PRIMPOL: variants seen among roughly 807,000 people sequenced by gnomAD.
PRIMPOL encodes the protein primase and DNA directed polymerase.
In PRIMPOL, 54 loss-of-function variants were observed where a neutral mutation model predicts 63.6. The ratio of observed to expected loss-of-function variants is 0.85; its 90% CI spans 0.68 to 1.07. The LOEUF (loss-of-function observed/expected upper bound fraction) is 1.07, where lower values mean the gene tolerates loss of function less well. Ranked by LOEUF, PRIMPOL falls within the 50% of genes least tolerant of loss-of-function variation. The probability of loss-of-function intolerance (pLI) is 0.00; values close to 1 mark genes in which losing one functional copy is unlikely to be tolerated. For missense variants in PRIMPOL, 610 were observed against 648.3 expected (o/e 0.94, Z 0.64); for synonymous variants, 197 against 220.2 (o/e 0.89, Z 0.93).
intron 7 of PRIMPOL, among the ~76,000 whole-genome samples, chr4:184,675,969 A>G (rs1753205191): frequency 6.6e-6 from 1 of 152,170 alleles, no homozygotes; most frequent in African/African-American, 2.4e-5. Flanking sequence ...ATTAAATAAT[A>G]GTAGTAGTCT....
intron 2 of PRIMPOL, among the ~76,000 whole-genome samples, chr4:184,654,931 G>T (rs190351315): frequency 6.6e-6 from 1 of 151,994 alleles, no homozygotes; most frequent in Non-Finnish European, 1.5e-5. Context: ...GGTCTGTTAC[G>T]ATTGATGTCA....
intron 5 of PRIMPOL, among the ~76,000 whole-genome samples, chr4:184,663,021 A>ATTATTATTATTC (rs1748808885): frequency 8.2e-6 from 1 of 121,448 alleles, no homozygotes; most frequent in South Asian, 2.4e-4. Context: ...TTAAACCTTT[A>ATTATTATTATTC]TTATTATTAT....
chr4:184,682,591 G>C (rs769203774), intron 9 of PRIMPOL, among the ~76,000 whole-genome samples: 6 of 152,008 alleles, frequency 3.9e-5, no homozygotes, highest in Admixed American at 6.5e-5. Flanking sequence ...CAAACGATCT[G>C]TCTGCCTCAG....
At chr4:184,655,612 G>C (rs974641493) in intron 2 of PRIMPOL, among the ~76,000 whole-genome samples, 1 of 152,114 alleles carries the variant, frequency 6.6e-6, no homozygotes, top group Non-Finnish European at 1.5e-5. Flanking sequence ...GAGCCACCGC[G>C]CCTGGCCCCC....
chr4:184,692,213 C>G (rs1467495924), intron 13 of PRIMPOL, among the ~76,000 whole-genome samples: 2 of 152,008 alleles, frequency 1.3e-5, no homozygotes, highest in Non-Finnish European at 2.9e-5. Context: ...GTGGCTCAGG[C>G]CTGTAATCCC....
At chr4:184,659,198 T>C in intron 3 of PRIMPOL, 142 bp from the exon 4 acceptor site, 2 of 639,600 alleles carry the variant, frequency 3.1e-6, no homozygotes, top group Non-Finnish European at 5.5e-6. Context: ...TGACTATTTG[T>C]CTTGTTTTTA....
chr4:184,666,402 G>T (rs1749891850), intron 6 of PRIMPOL, among the ~76,000 whole-genome samples: 1 of 152,346 alleles, frequency 6.6e-6, no homozygotes, highest in Non-Finnish European at 1.5e-5. Flanking sequence ...GGCAGAGGTT[G>T]CAGTAAGCCA....
At chr4:184,661,448 T>C (rs905479167) in intron 4 of PRIMPOL, among the ~76,000 whole-genome samples, 1 of 152,220 alleles carries the variant, frequency 6.6e-6, no homozygotes, top group African/African-American at 2.4e-5. Flanking sequence ...GGCTCATGTC[T>C]GTAATCCCAG....
At chr4:184,690,144 A>G (rs1033257540) in intron 11 of PRIMPOL, among the ~76,000 whole-genome samples, 1 of 152,116 alleles carries the variant, frequency 6.6e-6, no homozygotes, top group Non-Finnish European at 1.5e-5. Flanking sequence ...ATGTGGGAAC[A>G]TTTTCAACTA....
intron 8 of PRIMPOL, among the ~76,000 whole-genome samples, chr4:184,680,522 A>G (rs1467691772): frequency 6.6e-6 from 1 of 152,190 alleles, no homozygotes; most frequent in African/African-American, 2.4e-5. Context: ...ATTCTCTAGA[A>G]ATTAATTTTA....
intron 2 of PRIMPOL, among the ~76,000 whole-genome samples, chr4:184,656,669 G>C (rs1357041981): frequency 6.6e-6 from 1 of 151,986 alleles, no homozygotes; most frequent in African/African-American, 2.4e-5. Context: ...AAGAATGGGT[G>C]GACAAGGTCA....
At chr4:184,688,751 A>T (rs918907970) in intron 11 of PRIMPOL, among the ~76,000 whole-genome samples, 1 of 152,320 alleles carries the variant, frequency 6.6e-6, no homozygotes, top group South Asian at 2.1e-4. Flanking sequence ...ATGCAGTTCT[A>T]AAGTCAGAAA....
intron 3 of PRIMPOL, 74 bp from the exon 4 acceptor site, chr4:184,659,266 A>G (rs1021006893): frequency 2.8e-6 from 3 of 1,054,276 alleles, no homozygotes; most frequent in Non-Finnish European, 4.4e-6. Flanking sequence ...TTCTTTATGA[A>G]CATTCAGTAG....
At chr4:184,653,592 C>T (rs1460547498) in intron 2 of PRIMPOL, among the ~76,000 whole-genome samples, 2 of 152,262 alleles carry the variant, frequency 1.3e-5, no homozygotes, top group East Asian at 1.9e-4. Flanking sequence ...CCTTGTGGTC[C>T]ACCCGCCTGG....
At chr4:184,674,964 G>A (rs1752895213) in intron 7 of PRIMPOL, among the ~76,000 whole-genome samples, 1 of 152,134 alleles carries the variant, frequency 6.6e-6, no homozygotes, top group African/African-American at 2.4e-5. Flanking sequence ...CATCACGAGT[G>A]GCACTTCATA....
intron 7 of PRIMPOL, among the ~76,000 whole-genome samples, chr4:184,675,019 C>T (rs545436626): frequency 2.6e-5 from 4 of 152,206 alleles, no homozygotes; most frequent in Non-Finnish European, 4.4e-5. Context: ...GCACTAAACA[C>T]GATGAAAAAT....
chr4:184,652,022 G>A lies in PRIMPOL; in HGVS notation c.-137-1G>A, dbSNP rs1249696654. 1 of 152,294 alleles carries A rather than the reference G, an allele frequency of 6.6e-6. No homozygotes were observed. The highest frequency in any genetic ancestry group is 1.5e-5 in the Non-Finnish European group (1 of 68,092). The allele number at this position is 152,294 out of a possible 1,614,324, so 9.4% of individuals were successfully genotyped here. A position where few individuals can be genotyped will look rare whatever the true frequency, so the allele number is the denominator to read the frequency against. On this transcript the variant is annotated splice_acceptor_variant, in intron 1 of 13. Transcript: ENST00000314970. LOFTEE classifies it low-confidence loss of function (5UTR_SPLICE). ...CTGAAGCCAGTAATTTCTCTTTACAGAGGTATCCCAGAGGTGACAGAACTT... is the reference window on the plus strand; with the variant it reads ...CTGAAGCCAGTAATTTCTCTTTACAAAGGTATCCCAGAGGTGACAGAACTT...
intron 5 of PRIMPOL, among the ~76,000 whole-genome samples, chr4:184,664,470 T>C (rs1018585524): frequency 1.3e-5 from 2 of 152,270 alleles, no homozygotes; most frequent in East Asian, 3.8e-4. Flanking sequence ...TAATATCTAA[T>C]GTGGCTCCGT....
intron 7 of PRIMPOL, among the ~76,000 whole-genome samples, chr4:184,675,505 A>G (rs1037613838): frequency 8.5e-5 from 13 of 152,124 alleles, no homozygotes; most frequent in Non-Finnish European, 4.4e-5. Flanking sequence ...AAATTGTTGT[A>G]AGTCCCCCCA....
Sources: allele counts gnomAD v4.1 joint callset (sites outside exome capture counted in the v4.1 genomes callset), GRCh38; gene constraint gnomAD v4.1.1; transcripts MANE v1.5; gene names NCBI Gene and HGNC (gene_info 2026-07-23, HGNC 2026-07-21).